The following CDYL2 variants were observed in gnomAD, a reference collection of about 807,000 sequenced individuals.
The protein encoded by CDYL2 is chromodomain Y-like protein 2.
CDYL2 carries 23 observed loss-of-function variants against 49.4 expected under a neutral mutation model. The ratio of observed to expected loss-of-function variants is 0.47; its 90% CI spans 0.34 to 0.66. The LOEUF is 0.66. Ranked by LOEUF, CDYL2 falls within the 30% of genes least tolerant of loss-of-function variation. The pLI is 0.01. For missense variants in CDYL2, 678 were observed against 656.4 expected, an observed-to-expected ratio of 1.03 and a Z score of -0.36; for synonymous variants, 360 against 268.8, an observed-to-expected ratio of 1.34 and a Z score of -3.32.
intron 3 of CDYL2, among the ~76,000 whole-genome samples, chr16:80,622,762 A>G (rs1222865975): frequency 1.3e-5 from 2 of 152,168 alleles, no homozygotes; most frequent in East Asian, 1.9e-4. Context: ...AAAAGACTGT[A>G]AAGAGTTTGC....
chr16:80,768,433 T>C (rs1906798155), intron 1 of CDYL2, among the ~76,000 whole-genome samples: 1 of 152,220 alleles, frequency 6.6e-6, no homozygotes, highest in South Asian at 2.1e-4. Context: ...GTGTGATATG[T>C]AAACAATAGG....
At chr16:80,708,894 G>C (rs1403415837) in intron 1 of CDYL2, among the ~76,000 whole-genome samples, 1 of 152,032 alleles carries the variant, frequency 6.6e-6, no homozygotes, top group African/African-American at 2.4e-5. Context: ...AATCCTCATA[G>C]AAAATATTTA....
chr16:80,803,702 C>A (rs1271815668), intron 1 of CDYL2, among the ~76,000 whole-genome samples: 1 of 139,410 alleles, frequency 7.2e-6, no homozygotes, highest in African/African-American at 2.6e-5. Context: ...CCGGGCCGCG[C>A]AACCCCCGCC....
Position 80,612,468 on chromosome 16 carries a change from A to C in CDYL2, c.1218+158T>G, listed in dbSNP as rs1906641722. On this transcript the variant is annotated intron_variant, in intron 5 of 6. Transcript: ENST00000570137. This position sits in a 1 kb window ranked among gnomAD's most constrained non-coding sequence, Gnocchi z 5.0. ...CATCGCCATCTTCTCAGGCCGGGCT[A>C]CTCCATCTGGCACTGAAGGTGTGAA... Among the ~76,000 whole-genome samples, 1 of 152,038 alleles carries C rather than the reference A, an allele frequency of 6.6e-6. No individual in the cohort carries two copies. Among genetic ancestry groups the C allele is most frequent in the Admixed American group, 6.5e-5 (1 of 15,270 alleles).
chr16:80,747,457 G>A (rs142520722), intron 1 of CDYL2, among the ~76,000 whole-genome samples: 2 of 152,318 alleles, frequency 1.3e-5, no homozygotes, highest in African/African-American at 4.8e-5. Flanking sequence ...ACAAGGCCGG[G>A]ACCTATCACG....
chr16:80,599,534 AG>A lies in CDYL2; in HGVS notation c.*4853del, dbSNP rs1319683145. The A allele has an allele frequency of 1.8e-4, 28 of 152,222 alleles. No individual in the cohort carries two copies. Among genetic ancestry groups the A allele is most frequent in the African/African-American group, 6.3e-4 (26 of 41,462 alleles). The allele number at this position is 152,222 out of a possible 1,614,324, so 9.4% of individuals were successfully genotyped here. On this transcript the variant is annotated 3_prime_UTR_variant, in exon 7 of 7. Transcript: ENST00000570137. ...CCTTTGTCCTGCTAAACTCCAGTTT[AG>A]TATGGCTTGATACACATAGTTCATT...
chr16:80,633,969 G>C (rs1403623167), intron 2 of CDYL2, among the ~76,000 whole-genome samples: 1 of 152,128 alleles, frequency 6.6e-6, no homozygotes, highest in African/African-American at 2.4e-5. Flanking sequence ...GGAGCTCTGG[G>C]ATGTGCTAAA....
At chr16:80,690,783 G>C (rs1349023490) in intron 1 of CDYL2, among the ~76,000 whole-genome samples, 1 of 152,038 alleles carries the variant, frequency 6.6e-6, no homozygotes, top group Non-Finnish European at 1.5e-5. Flanking sequence ...GCCTCTCCTA[G>C]AGCCCCTACC....
At chr16:80,782,622 G>C (rs949079379) in intron 1 of CDYL2, among the ~76,000 whole-genome samples, 1 of 148,856 alleles carries the variant, frequency 6.7e-6, no homozygotes, top group Non-Finnish European at 1.5e-5. Context: ...ACCAAATTCA[G>C]CAGTATGTTA....
intron 2 of CDYL2, among the ~76,000 whole-genome samples, chr16:80,648,035 C>T (rs1908425502): frequency 6.6e-6 from 1 of 151,954 alleles, no homozygotes; most frequent in Non-Finnish European, 1.5e-5. Flanking sequence ...AATTTTATAG[C>T]TTTAAGTGCC....
chr16:80,804,942 C>T (rs1043625576), upstream of CDYL2, among the ~76,000 whole-genome samples: 1 of 152,116 alleles, frequency 6.6e-6, no homozygotes, highest in South Asian at 2.1e-4. Context: ...GCCTGGGAGA[C>T]CTGGCCCCTC....
At chr16:80,703,330 T>G (rs935819398) in intron 1 of CDYL2, among the ~76,000 whole-genome samples, 5 of 152,224 alleles carry the variant, frequency 3.3e-5, no homozygotes, top group African/African-American at 1.2e-4. Flanking sequence ...CCTCCTTGAT[T>G]GTAGAGGCTC....
chr16:80,765,111 A>G (rs576064050), intron 1 of CDYL2, among the ~76,000 whole-genome samples: 2 of 146,050 alleles, frequency 1.4e-5, no homozygotes, highest in South Asian at 4.3e-4. Context: ...ACTAATATAT[A>G]TTGTATAACA....
intron 2 of CDYL2, among the ~76,000 whole-genome samples, chr16:80,668,557 C>G (rs1192188594): frequency 6.6e-6 from 1 of 151,664 alleles, no homozygotes; most frequent in Non-Finnish European, 1.5e-5. Flanking sequence ...CCAAAAGATC[C>G]ATAAGGAAAC....
chr16:80,746,685 GC>G (rs964143346), intron 1 of CDYL2, among the ~76,000 whole-genome samples: 17 of 152,130 alleles, frequency 1.1e-4, no homozygotes, highest in Non-Finnish European at 2.9e-5. Context: ...AGCTTAGAAG[GC>G]CCCCTTTTGC....
At chr16:80,685,922 C>A (rs1445684443) in intron 1 of CDYL2, among the ~76,000 whole-genome samples, 1 of 152,178 alleles carries the variant, frequency 6.6e-6, no homozygotes, top group Admixed American at 6.5e-5. Flanking sequence ...GTCCAGCTCT[C>A]CCCACACAGC....
chr16:80,647,689 GACTTAATATTT>G (rs1268113775), intron 2 of CDYL2, among the ~76,000 whole-genome samples: 1 of 152,110 alleles, frequency 6.6e-6, no homozygotes, highest in Non-Finnish European at 1.5e-5. Context: ...AGGCCAAATG[GACTTAATATTT>G]ACAAAACATT....
At chr16:80,677,477 G>A (rs543556213) in intron 2 of CDYL2, among the ~76,000 whole-genome samples, 23 of 152,166 alleles carry the variant, frequency 1.5e-4, no homozygotes, top group Non-Finnish European at 2.8e-4. Flanking sequence ...AGTGGCGCAC[G>A]CCTGGAATCC....
At chr16:80,721,449 A>C (rs1486792386) in intron 1 of CDYL2, among the ~76,000 whole-genome samples, 1 of 152,190 alleles carries the variant, frequency 6.6e-6, no homozygotes, top group Non-Finnish European at 1.5e-5. Context: ...AAATAGTATC[A>C]GATGGGGAAG....
Sources: allele counts gnomAD v4.1 joint callset (sites outside exome capture counted in the v4.1 genomes callset), GRCh38; gene constraint gnomAD v4.1.1; non-coding constraint Gnocchi (gnomAD v3.1); transcripts MANE v1.5; gene names NCBI Gene and HGNC (gene_info 2026-07-23, HGNC 2026-07-21).